The following FHIT variants were observed in gnomAD, a reference collection of about 807,000 sequenced individuals.
The protein encoded by FHIT is bis(5'-adenosyl)-triphosphatase.
FHIT carries 19 observed loss-of-function variants against 17.9 expected under a neutral mutation model. The ratio of observed to expected loss-of-function variants is 1.06; its 90% CI spans 0.74 to 1.56. The LOEUF (loss-of-function observed/expected upper bound fraction) is 1.56. Ranked by LOEUF, FHIT falls within the 40% of genes most tolerant of loss-of-function variation. The pLI is 0.00. For synonymous variants in FHIT, 81 were observed against 69.7 expected (o/e 1.16, Z -0.81); for missense variants, 248 against 189.2 (o/e 1.31, Z -1.82).
Position 59,748,466 on chromosome 3 carries a change from C to T in FHIT, c.*1119G>A, listed in dbSNP as rs900014612. On this transcript the variant is annotated 3_prime_UTR_variant, in exon 10 of 10. Coordinates refer to ENST00000492590, the MANE Select transcript of FHIT (RefSeq NM_002012.4). ...CCAAGTTGGTTGGGGAAATCCAGGC[C>T]CATTTTGGTTTCTGCTACCTGGCTG... Among the ~76,000 whole-genome samples, 2 of 151,822 alleles carry T rather than the reference C, an allele frequency of 1.3e-5. No individual in the cohort carries two copies. The highest frequency in any genetic ancestry group is 4.8e-5 in the African/African-American group (2 of 41,340).
intron 8 of FHIT, among the ~76,000 whole-genome samples, chr3:59,755,905 A>G (rs1040402799): frequency 1.3e-5 from 2 of 152,086 alleles, no homozygotes; most frequent in Non-Finnish European, 2.9e-5. Context: ...AGAAGGCGAG[A>G]GTTAGTTAGG....
intron 8 of FHIT, among the ~76,000 whole-genome samples, chr3:59,870,617 G>C (rs1024401105): frequency 2.0e-5 from 3 of 152,144 alleles, no homozygotes; most frequent in Non-Finnish European, 4.4e-5. Flanking sequence ...AATAAGGAAG[G>C]AAGAACCTGC....
At chr3:60,985,469 C>A (rs926152306) in intron 3 of FHIT, among the ~76,000 whole-genome samples, 3 of 152,114 alleles carry the variant, frequency 2.0e-5, no homozygotes, top group African/African-American at 7.2e-5. Context: ...TGCCCCACTG[C>A]CTATGGCCAC....
At chr3:59,756,168 T>TAA (rs1701208047) in intron 8 of FHIT, among the ~76,000 whole-genome samples, 2 of 152,028 alleles carry the variant, frequency 1.3e-5, no homozygotes, top group African/African-American at 4.8e-5. Context: ...AGTAAAAGTA[T>TAA]TTTTCATCTC....
intron 4 of FHIT, among the ~76,000 whole-genome samples, chr3:60,587,426 G>A (rs1297042589): frequency 6.6e-6 from 1 of 151,920 alleles, no homozygotes; most frequent in Non-Finnish European, 1.5e-5. Flanking sequence ...CTAGATGATG[G>A]GTTGGTAGGT....
intron 5 of FHIT, among the ~76,000 whole-genome samples, chr3:60,422,484 AAAG>A (rs1361481740): frequency 6.6e-6 from 1 of 152,098 alleles, no homozygotes. Context: ...ACATACCTAA[AAAG>A]AATCAATATT....
chr3:60,970,281 T>A (rs1294679456), intron 3 of FHIT, among the ~76,000 whole-genome samples: 3 of 152,228 alleles, frequency 2.0e-5, no homozygotes, highest in Admixed American at 2.0e-4. Context: ...CATATAGCTA[T>A]GTCTGCTTCT....
intron 8 of FHIT, among the ~76,000 whole-genome samples, chr3:59,769,583 C>T (rs908686382): frequency 3.9e-5 from 6 of 152,164 alleles, no homozygotes; most frequent in African/African-American, 1.4e-4. Context: ...CCGCAAGCTG[C>T]CAGGCCAGAT....
At chr3:60,847,002 T>C (rs1702951906) in intron 3 of FHIT, among the ~76,000 whole-genome samples, 1 of 152,102 alleles carries the variant, frequency 6.6e-6, no homozygotes. Context: ...TTTTGTATTT[T>C]TAGTAGAAAC....
intron 4 of FHIT, among the ~76,000 whole-genome samples, chr3:60,724,462 G>C (rs182020331): frequency 3.9e-5 from 6 of 152,086 alleles, no homozygotes; most frequent in African/African-American, 1.4e-4. Context: ...ATTTTTTTAT[G>C]CACATATGAT....
chr3:60,448,630 T>C (rs576825907), intron 5 of FHIT, among the ~76,000 whole-genome samples: 10 of 152,158 alleles, frequency 6.6e-5, no homozygotes, highest in Non-Finnish European at 1.0e-4. Context: ...GGATGCAACA[T>C]TGAAAGCTCT....
chr3:60,158,665 T>C (rs1700811272), intron 5 of FHIT, among the ~76,000 whole-genome samples: 1 of 152,170 alleles, frequency 6.6e-6, no homozygotes, highest in South Asian at 2.1e-4. Context: ...ACTCCTGAGA[T>C]ACCAAACATC....
intron 8 of FHIT, among the ~76,000 whole-genome samples, chr3:59,921,238 T>A (rs1277636140): frequency 6.6e-6 from 1 of 152,238 alleles, no homozygotes; most frequent in East Asian, 1.9e-4. Flanking sequence ...CCTATTGTTC[T>A]TTATTTTCAG....
At chr3:60,536,744 A>C in intron 5 of FHIT, 116 bp downstream of exon 5, 1 of 1,125,662 alleles carries the variant, frequency 8.9e-7, no homozygotes, top group Non-Finnish European at 1.2e-6. Flanking sequence ...AGGGAGATGG[A>C]TTCTTTATTT....
intron 1 of FHIT, among the ~76,000 whole-genome samples, chr3:61,203,280 C>G (rs1199049738): frequency 6.7e-6 from 1 of 150,334 alleles, no homozygotes; most frequent in African/African-American, 2.4e-5. Context: ...ACCCAGGAGG[C>G]AGAGGTTGCA....
intron 4 of FHIT, among the ~76,000 whole-genome samples, chr3:60,793,357 A>C (rs1700855194): frequency 6.6e-6 from 1 of 151,300 alleles, no homozygotes; most frequent in African/African-American, 2.4e-5. Flanking sequence ...GCTGGAGTGC[A>C]GTGGGCAAGA....
intron 5 of FHIT, among the ~76,000 whole-genome samples, chr3:60,039,614 T>C (rs1317407995): frequency 6.6e-6 from 1 of 152,212 alleles, no homozygotes; most frequent in African/African-American, 2.4e-5. Context: ...TATCTTATTT[T>C]CAATTTCTCT....
chr3:61,220,318 C>T (rs370109090), intron 1 of FHIT, among the ~76,000 whole-genome samples: 7 of 152,214 alleles, frequency 4.6e-5, no homozygotes, highest in African/African-American at 1.7e-4. Context: ...CTGGTTAAAC[C>T]ACATAATAAT....
intron 5 of FHIT, among the ~76,000 whole-genome samples, chr3:60,128,373 T>C (rs1452175647): frequency 1.3e-5 from 2 of 152,200 alleles, no homozygotes; most frequent in Non-Finnish European, 2.9e-5. Context: ...ATTCTTCTCC[T>C]TCCTGCCATC....
Sources: gnomAD v4.1 joint callset for allele counts (sites outside exome capture counted in the v4.1 genomes callset) on GRCh38, gnomAD v4.1.1 for gene constraint, MANE v1.5 for transcripts, NCBI Gene and HGNC (gene_info 2026-07-23, HGNC 2026-07-21) for gene names.